The following GRM7 variants were observed in gnomAD, a reference collection of about 807,000 sequenced individuals.
GRM7 encodes the protein metabotropic glutamate receptor 7.
A neutral mutation model predicts 84.5 loss-of-function variants in GRM7; 35 were observed. The observed-to-expected ratio is 0.41, with a 90% CI of 0.32 to 0.55. The LOEUF (loss-of-function observed/expected upper bound fraction) is 0.55. Ranked by LOEUF, GRM7 falls within the 20% of genes least tolerant of loss-of-function variation. The probability of loss-of-function intolerance (pLI) is 0.19; values close to 1 mark genes in which losing one functional copy is unlikely to be tolerated. For synonymous variants in GRM7, 487 were observed against 455.1 expected, an observed-to-expected ratio of 1.07 and a Z score of -0.89; for missense variants, 1,003 against 1,194.6, an observed-to-expected ratio of 0.84 and a Z score of 2.36.
chr3:7,203,332 A>C (rs908197360), intron 2 of GRM7, among the ~76,000 whole-genome samples: 5 of 152,158 alleles, frequency 3.3e-5, no homozygotes, highest in African/African-American at 1.2e-4. Context: ...TATCTGGCTC[A>C]TTTCACTTAA....
chr3:7,726,899 G>A (rs1459881173), intron 9 of GRM7, among the ~76,000 whole-genome samples: 1 of 151,328 alleles, frequency 6.6e-6, no homozygotes, highest in Non-Finnish European at 1.5e-5. Flanking sequence ...CAAGGATCAT[G>A]CATTTTTAAT....
intron 7 of GRM7, among the ~76,000 whole-genome samples, chr3:7,478,593 T>A (rs995871916): frequency 2.9e-4 from 44 of 152,306 alleles, no homozygotes; most frequent in African/African-American, 9.9e-4. Context: ...TCAACAGCTC[T>A]TGATGAAATA....
chr3:7,313,361 C>T (rs1024212488), intron 4 of GRM7, among the ~76,000 whole-genome samples: 1 of 152,138 alleles, frequency 6.6e-6, no homozygotes, highest in African/African-American at 2.4e-5. Flanking sequence ...AGCCTAGGCC[C>T]ATGATGACCT....
Position 6,891,933 on chromosome 3 carries a change from T to C in GRM7, c.519+30026T>C, listed in dbSNP as rs531091052. 1.7e-4 allele frequency among the ~76,000 whole-genome samples: 26 copies of C among 152,316 alleles called. 1 individual carries two copies. The highest frequency in any genetic ancestry group is 7.2e-4 in the Admixed American group (11 of 15,304). On this transcript the variant is annotated intron_variant, in intron 1 of 9. Transcript: ENST00000357716. ...ATTTCTTGGATGCTTTGTTCATTTC[T>C]TTTTATTCTTTTTTCTGTAAACTTC... is the stretch of plus-strand genomic sequence containing the variant.
At chr3:7,208,329 G>T (rs1335704499) in intron 2 of GRM7, among the ~76,000 whole-genome samples, 1 of 152,140 alleles carries the variant, frequency 6.6e-6, no homozygotes, top group Non-Finnish European at 1.5e-5. Flanking sequence ...AGACAGAAAG[G>T]TGAGTTCAGT....
At chr3:7,157,219 A>G (rs1282070286) in intron 2 of GRM7, among the ~76,000 whole-genome samples, 1 of 152,146 alleles carries the variant, frequency 6.6e-6, no homozygotes, top group Non-Finnish European at 1.5e-5. Context: ...TCATGTGGTC[A>G]TCCATTGGCT....
intron 1 of GRM7, among the ~76,000 whole-genome samples, chr3:7,063,240 C>G (rs559564406): frequency 1.3e-5 from 2 of 151,854 alleles, no homozygotes; most frequent in African/African-American, 4.8e-5. Context: ...CAAAGACAAT[C>G]AAGACACAAG....
chr3:7,140,232 G>A (rs1251291701), intron 1 of GRM7, among the ~76,000 whole-genome samples: 1 of 152,002 alleles, frequency 6.6e-6, no homozygotes, highest in Non-Finnish European at 1.5e-5. Flanking sequence ...TTTCTCATGA[G>A]AGAGAGTGAG....
chr3:7,170,960 C>T (rs913314529), intron 2 of GRM7, among the ~76,000 whole-genome samples: 1 of 152,186 alleles, frequency 6.6e-6, no homozygotes, highest in African/African-American at 2.4e-5. Context: ...GTCTTGTGTA[C>T]ATGCTGCTCA....
At chr3:6,892,090 C>A (rs555296530) in intron 1 of GRM7, among the ~76,000 whole-genome samples, 1 of 152,292 alleles carries the variant, frequency 6.6e-6, no homozygotes, top group Admixed American at 6.5e-5. Flanking sequence ...CCATCAGCTC[C>A]TTTAAGCACT....
chr3:7,590,544 A>G lies in GRM7; in HGVS notation c.2451+11187A>G, dbSNP rs540567688. Among the ~76,000 whole-genome samples the G allele has an allele frequency of 8.5e-5, 13 of 152,176 alleles. No homozygotes were observed. The South Asian group carries it at 1.0e-3, about 12-fold the overall frequency. ...TTGCCGGACCTGCCTTAGATAATCT[A>G]TTGCCTTCTTAGCTTTCTGACCTTC... On this transcript the variant is annotated intron_variant, in intron 8 of 9. Transcript: ENST00000357716.
At chr3:7,230,525 G>C (rs931029326) in intron 2 of GRM7, among the ~76,000 whole-genome samples, 9 of 152,172 alleles carry the variant, frequency 5.9e-5, no homozygotes, top group Non-Finnish European at 1.3e-4. Flanking sequence ...TTTAAGGAAA[G>C]AGACATTTAG....
chr3:7,333,991 ATTG>A (rs74775222), intron 4 of GRM7, among the ~76,000 whole-genome samples: 20 of 152,016 alleles, frequency 1.3e-4, no homozygotes, highest in Non-Finnish European at 2.5e-4. Flanking sequence ...CATAAGAATA[ATTG>A]TTGTTCCTTA....
At chr3:7,509,489 G>T (rs571796994) in intron 7 of GRM7, among the ~76,000 whole-genome samples, 94 of 152,146 alleles carry the variant, frequency 6.2e-4, no homozygotes, top group Non-Finnish European at 1.2e-3. Flanking sequence ...GAACTAATAA[G>T]ATGTATTGTA....
intron 1 of GRM7, among the ~76,000 whole-genome samples, chr3:7,033,067 T>A (rs554366256): frequency 6.6e-6 from 1 of 152,294 alleles, no homozygotes; most frequent in Non-Finnish European, 1.5e-5. Flanking sequence ...AGAATCTGTT[T>A]CATACCTCTC....
chr3:6,988,783 AT>A, intron 1 of GRM7, among the ~76,000 whole-genome samples: 1 of 152,242 alleles, frequency 6.6e-6, no homozygotes, highest in South Asian at 2.1e-4. Flanking sequence ...AATCATTTTT[AT>A]TTTATATTTT....
At chr3:7,461,012 A>G (rs1463976012) in intron 6 of GRM7, among the ~76,000 whole-genome samples, 2 of 152,194 alleles carry the variant, frequency 1.3e-5, no homozygotes, top group South Asian at 2.1e-4. Context: ...TACCTGACAA[A>G]TACACTGCTA....
At chr3:7,646,933 G>A (rs180688681) in intron 8 of GRM7, among the ~76,000 whole-genome samples, 1 of 152,248 alleles carries the variant, frequency 6.6e-6, no homozygotes, top group East Asian at 1.9e-4. Flanking sequence ...GCACGAACAG[G>A]GTCTGTGTCA....
intron 4 of GRM7, among the ~76,000 whole-genome samples, chr3:7,394,356 A>C (rs554757287): frequency 6.6e-6 from 1 of 152,354 alleles, no homozygotes; most frequent in South Asian, 2.1e-4. Flanking sequence ...AAACATACAG[A>C]GAGGACATGT....
Sources: allele counts gnomAD v4.1 joint callset (sites outside exome capture counted in the v4.1 genomes callset), GRCh38; gene constraint gnomAD v4.1.1; transcripts MANE v1.5; gene names NCBI Gene and HGNC (gene_info 2026-07-23, HGNC 2026-07-21).